NBPF8: variants seen among roughly 807,000 people sequenced by gnomAD.
The protein encoded by NBPF8 is NBPF family member NBPF8.
intron 2 of NBPF8, among the ~76,000 whole-genome samples, chr1:120,426,219 C>G (rs1238146795): frequency 4.6e-5 from 7 of 150,594 alleles, no homozygotes; most frequent in Admixed American, 4.6e-4. Flanking sequence ...GGGAGACAGT[C>G]TACTCTGACT....
chr1:120,468,131 C>CAACA (rs1661795540), downstream of NBPF8, among the ~76,000 whole-genome samples: 2 of 150,962 alleles, frequency 1.3e-5, no homozygotes, highest in East Asian at 2.0e-4. Flanking sequence ...TATTTCCATA[C>CAACA]AACAGTCAAT....
intron 1 of NBPF8, among the ~76,000 whole-genome samples, chr1:120,424,610 G>A (rs1221990131): frequency 4.6e-5 from 7 of 151,866 alleles, no homozygotes; most frequent in Admixed American, 1.3e-4. Flanking sequence ...ACCACACCTG[G>A]CTAATGTTTG....
exon 25 of NBPF8, chr1:120,466,324 G>A (rs1570948220): frequency 1.3e-6 from 2 of 1,507,654 alleles, no homozygotes; most frequent in Non-Finnish European, 9.0e-7. Flanking sequence ...CCAGACATAG[G>A]ATGGGTCAGT....
rs1315750821 is a variant in NBPF8 at position 120,421,526 on chromosome 1, C to T, written n.269+1408C>T. Reference sequence around the variant, plus strand: ...TCCCTCCCTTCCTTCCTTCCTTCCTCCCTTCCTCCTTCCTTCCCTCCCTCC... The same window carrying T: ...TCCCTCCCTTCCTTCCTTCCTTCCTTCCTTCCTCCTTCCTTCCCTCCCTCC... On this transcript the variant is annotated intron_variant and non_coding_transcript_variant, in intron 1 of 28. Coordinates refer to the NBPF8 transcript ENST00000652355. Among the ~76,000 whole-genome samples, 21 of 149,508 alleles carry T rather than the reference C, an allele frequency of 1.4e-4. No individual in the cohort carries two copies. In the South Asian group the frequency reaches 4.2e-3, roughly 30 times the overall value.
At chr1:120,429,424 G>T (rs1163422383) in intron 3 of NBPF8, among the ~76,000 whole-genome samples, 5 of 152,088 alleles carry the variant, frequency 3.3e-5, no homozygotes, top group Admixed American at 2.6e-4. Context: ...CCTCTCCTCT[G>T]CAGGCTGGAG....
At chr1:120,464,309 A>T (rs1661680114) in intron 22 of NBPF8, 67 bp from the exon 21 acceptor site, 1 of 717,464 alleles carries the variant, frequency 1.4e-6, no homozygotes, top group Non-Finnish European at 2.5e-6. Flanking sequence ...TACCCATGAA[A>T]CCTATTTGGG....
intron 22 of NBPF8, among the ~76,000 whole-genome samples, chr1:120,464,103 T>A (rs1384222524): frequency 2.0e-5 from 1 of 50,796 alleles, no homozygotes; most frequent in Non-Finnish European, 3.4e-5. Flanking sequence ...CCTGGACAAT[T>A]CACTGAGCTC....
At chr1:120,461,017 T>TGTGG (rs1491147502) in intron 18 of NBPF8, among the ~76,000 whole-genome samples, 3 of 1,602 alleles carry the variant, frequency 1.9e-3, no homozygotes, top group Non-Finnish European at 4.5e-3. Flanking sequence ...GAGCTCGAAC[T>TGTGG]GTGTGTGTGT....
intron 17 of NBPF8, among the ~76,000 whole-genome samples, chr1:120,459,933 C>G (rs1661530735): frequency 6.6e-6 from 1 of 151,912 alleles, no homozygotes; most frequent in Non-Finnish European, 1.5e-5. Context: ...TGGTTCTTTA[C>G]CTGCCCAAGG....
chr1:120,434,384 T>G (rs1342975382), upstream of NBPF8, among the ~76,000 whole-genome samples: 1 of 146,988 alleles, frequency 6.8e-6, no homozygotes, highest in Non-Finnish European at 1.5e-5. Flanking sequence ...GGTATATATG[T>G]ATATATAATA....
At position 120,461,369 on chromosome 1, in the gene NBPF8, A is replaced by G. The variant is rs1379557161; in HGVS notation, n.2952A>G. 6.9e-5 allele frequency: 73 copies of G among 1,058,202 alleles called. No homozygotes were observed. In the African/African-American group the frequency reaches 1.5e-3, roughly 22 times the overall value. The allele number at this position is 1,058,202 out of a possible 1,614,324, so 65.6% of individuals were successfully genotyped here. ...ACTGACTGACTCATGCCAGCCCTAC[A>G]GAAGTGCGTTTTACATATTGGAGCA... On this transcript the variant is annotated non_coding_transcript_exon_variant, in exon 19 of 25. Coordinates refer to ENST00000583271, the Ensembl canonical transcript of NBPF8.
chr1:120,430,581 C>G (rs1660848909), intron 3 of NBPF8, among the ~76,000 whole-genome samples: 1 of 136,558 alleles, frequency 7.3e-6, no homozygotes, highest in Non-Finnish European at 1.6e-5. Flanking sequence ...AGTGAAACCC[C>G]ATCTCTACTA....
upstream of NBPF8, chr1:120,436,228 G>T (rs1661070540): frequency 6.6e-6 from 4 of 602,082 alleles, no homozygotes; most frequent in South Asian, 7.9e-5. Context: ...TATTGCAACT[G>T]CAGACGGTTA....
chr1:120,454,036 G>T (rs1661362957), exon 15 of NBPF8: 1 of 1,613,004 alleles, frequency 6.2e-7, no homozygotes, highest in Non-Finnish European at 8.5e-7. Flanking sequence ...AATCACATTT[G>T]AGGAAGACAA....
intron 1 of NBPF8, among the ~76,000 whole-genome samples, chr1:120,420,507 C>G (rs1406767250): frequency 7.3e-5 from 11 of 150,892 alleles, no homozygotes; most frequent in African/African-American, 2.7e-4. Flanking sequence ...TCATGGCTCA[C>G]CCCCTCCCTG....
chr1:120,463,172 C>T (rs1468579250), intron 21 of NBPF8, among the ~76,000 whole-genome samples: 4 of 148,578 alleles, frequency 2.7e-5, no homozygotes, highest in Non-Finnish European at 4.5e-5. Flanking sequence ...TATTCCTAGT[C>T]TCCAGCCATG....
chr1:120,423,514 G>A (rs1486762131), intron 1 of NBPF8, among the ~76,000 whole-genome samples: 1 of 98,022 alleles, frequency 1.0e-5, no homozygotes, highest in Non-Finnish European at 2.0e-5. Context: ...ACACTATTTG[G>A]GTTACTGTAG....
At chr1:120,424,104 A>G (rs1461446502) in intron 1 of NBPF8, among the ~76,000 whole-genome samples, 1 of 152,176 alleles carries the variant, frequency 6.6e-6, no homozygotes, top group African/African-American at 2.4e-5. Flanking sequence ...TCATTTCCTA[A>G]TCCCTGGTCC....
chr1:120,462,504 G>A (rs1372872567), intron 20 of NBPF8, among the ~76,000 whole-genome samples: 4 of 118,972 alleles, frequency 3.4e-5, no homozygotes, highest in Non-Finnish European at 5.2e-5. Context: ...TGTGTGTCCC[G>A]AGGGCACTAA....
Sources: allele counts gnomAD v4.1 joint callset (sites outside exome capture counted in the v4.1 genomes callset), GRCh38; gene constraint gnomAD v4.1.1; transcripts MANE v1.5; gene names NCBI Gene and HGNC (gene_info 2026-07-23, HGNC 2026-07-21).